Variants in TLK2 observed in about 807,000 individuals in gnomAD.
TLK2 encodes the protein serine/threonine-protein kinase tousled-like 2.
A neutral mutation model predicts 117.3 loss-of-function variants in TLK2; 6 were observed. That is an observed-to-expected ratio of 0.05 (90% CI 0.03 to 0.10). The LOEUF (loss-of-function observed/expected upper bound fraction) is 0.10, where lower values mean the gene tolerates loss of function less well. Among genes scored for constraint, TLK2 ranks in the 10% least tolerant of loss-of-function variants. The pLI, the probability that TLK2 is intolerant of heterozygous loss-of-function variation, is 1.00. For missense variants in TLK2, 299 were observed against 901.2 expected, an observed-to-expected ratio of 0.33 and a Z score of 8.56; for synonymous variants, 257 against 316.7, an observed-to-expected ratio of 0.81 and a Z score of 2.00.
chr17:62,471,385 G>A (rs1397941289), intron 1 of TLK2, among the ~76,000 whole-genome samples: 1 of 152,210 alleles, frequency 6.6e-6, no homozygotes, highest in Middle Eastern at 3.2e-3. Context: ...TTCCTGTCTT[G>A]TGAGGTTTTT....
At chr17:62,549,418 A>AAAAAAAAAAAAAAAAT (rs1567898076) in intron 7 of TLK2, among the ~76,000 whole-genome samples, 1 of 8,536 alleles carries the variant, frequency 1.2e-4, no homozygotes, top group African/African-American at 1.6e-4. Flanking sequence ...AAAAAAAAAA[A>AAAAAAAAAAAAAAAAT]AAAAAAAAAA....
In TLK2 at chr17:62,536,040, A is replaced by C. The variant is rs558856661; in HGVS notation, c.364-130A>C. 14 of 1,082,472 alleles carry C rather than the reference A, an allele frequency of 1.3e-5. No individual in the cohort carries two copies. The South Asian group carries it at 2.3e-4, about 17-fold the overall frequency. The allele number at this position is 1,082,472 out of a possible 1,614,324, so 67.1% of individuals were successfully genotyped here. ...TAATGTTGGTATGCTCTCCATAATT[A>C]TTTTTAGAGAGGCCTTTTTAAATAA... On this transcript the variant is annotated intron_variant, in intron 6 of 21. Coordinates refer to ENST00000346027, the MANE Select transcript of TLK2 (RefSeq NM_006852.6).
chr17:62,544,735 TATAA>T (rs1279862924), intron 7 of TLK2, among the ~76,000 whole-genome samples: 1 of 152,216 alleles, frequency 6.6e-6, no homozygotes. Context: ...TTTCAGTTTC[TATAA>T]ATAAACCAGA....
intron 2 of TLK2, among the ~76,000 whole-genome samples, chr17:62,488,142 CCAGGCTGGT>C: frequency 6.6e-6 from 1 of 152,036 alleles, no homozygotes; most frequent in African/African-American, 2.4e-5. Flanking sequence ...ACCATGTTGG[CCAGGCTGGT>C]CTCGAACTCC....
At chr17:62,605,480 C>T (rs1488196492) in intron 19 of TLK2, among the ~76,000 whole-genome samples, 1 of 152,064 alleles carries the variant, frequency 6.6e-6, no homozygotes, top group Non-Finnish European at 1.5e-5. Context: ...TCCGGTGATC[C>T]TCCCGCCTCA....
intron 16 of TLK2, among the ~76,000 whole-genome samples, chr17:62,587,801 C>G (rs2081739868): frequency 6.6e-6 from 1 of 152,062 alleles, no homozygotes. Flanking sequence ...GTGCCAGGAG[C>G]ACTTCAGAGA....
At chr17:62,576,676 T>G in intron 12 of TLK2, 33 bp from the exon 13 acceptor site, 6 of 1,516,516 alleles carry the variant, frequency 4.0e-6, no homozygotes, top group Non-Finnish European at 5.5e-6. Flanking sequence ...TGATTTCTAG[T>G]AGTTTACTGA....
chr17:62,502,964 A>G (rs971532794), intron 2 of TLK2, among the ~76,000 whole-genome samples: 34 of 152,150 alleles, frequency 2.2e-4, no homozygotes, highest in Admixed American at 1.5e-3. Context: ...GAATAAAAAC[A>G]TTGACCCGTG....
upstream of TLK2, among the ~76,000 whole-genome samples, chr17:62,477,007 C>T (rs550736436): frequency 6.6e-6 from 1 of 152,060 alleles, no homozygotes; most frequent in South Asian, 2.1e-4. Flanking sequence ...GGGAGAACTG[C>T]TTGAACCCGG....
At chr17:62,534,607 T>C (rs1384016907) in intron 6 of TLK2, among the ~76,000 whole-genome samples, 1 of 152,140 alleles carries the variant, frequency 6.6e-6, no homozygotes, top group Non-Finnish European at 1.5e-5. Flanking sequence ...ATTGTTATAG[T>C]AATTTTTCCA....
At chr17:62,503,015 A>G (rs1598254845) in intron 2 of TLK2, among the ~76,000 whole-genome samples, 1 of 151,552 alleles carries the variant, frequency 6.6e-6, no homozygotes, top group Admixed American at 6.6e-5. Flanking sequence ...TGAAGGGAGA[A>G]ATAAATGTAG....
chr17:62,499,330 T>C (rs1164598397), intron 2 of TLK2, among the ~76,000 whole-genome samples: 7 of 150,742 alleles, frequency 4.6e-5, no homozygotes, highest in African/African-American at 1.7e-4. Flanking sequence ...TAAGACTCCG[T>C]CTCACAAACA....
chr17:62,492,688 C>T (rs1442667215), intron 2 of TLK2, among the ~76,000 whole-genome samples: 13 of 151,964 alleles, frequency 8.6e-5, no homozygotes, highest in African/African-American at 2.7e-4. Context: ...AACTCCTGAC[C>T]TCTCAGGTGA....
At chr17:62,605,281 C>G (rs910390143) in intron 19 of TLK2, among the ~76,000 whole-genome samples, 5 of 152,116 alleles carry the variant, frequency 3.3e-5, no homozygotes, top group East Asian at 1.9e-4. Flanking sequence ...GAGCCGAGAT[C>G]GTGAGTGAAG....
intron 21 of TLK2, among the ~76,000 whole-genome samples, chr17:62,609,219 A>G (rs916186364): frequency 6.6e-6 from 1 of 152,144 alleles, no homozygotes; most frequent in Non-Finnish European, 1.5e-5. Context: ...AGAAGCTGGG[A>G]CTACAGGTGT....
At chr17:62,551,010 G>A (rs144773498) in intron 7 of TLK2, 21 of 152,268 alleles carry the variant, frequency 1.4e-4, no homozygotes, top group Non-Finnish European at 2.5e-4. Context: ...GTAAGATAGG[G>A]TTTTGCCATG....
intron 16 of TLK2, among the ~76,000 whole-genome samples, chr17:62,595,320 C>G (rs1050201755): frequency 1.7e-5 from 2 of 117,576 alleles, no homozygotes; most frequent in African/African-American, 6.6e-5. Context: ...AGCGTTATAA[C>G]AAAATGATGT....
upstream of TLK2, among the ~76,000 whole-genome samples, chr17:62,476,994 G>A (rs985146507): frequency 5.3e-5 from 8 of 152,032 alleles, no homozygotes; most frequent in African/African-American, 1.9e-4. Flanking sequence ...GGAGGCTGAG[G>A]CAGGGAGAAC....
chr17:62,508,386 A>G, intron 2 of TLK2: 12 of 896,704 alleles, frequency 1.3e-5, no homozygotes, highest in Non-Finnish European at 1.6e-5. Flanking sequence ...GTATGAATTT[A>G]CCATTCAATT....
Sources: allele counts gnomAD v4.1 joint callset (sites outside exome capture counted in the v4.1 genomes callset), GRCh38; gene constraint gnomAD v4.1.1; transcripts MANE v1.5; gene names NCBI Gene and HGNC (gene_info 2026-07-23, HGNC 2026-07-21).